The following DNAAF4 variants were observed in gnomAD, a reference collection of about 807,000 sequenced individuals.
DNAAF4 encodes the protein dynein assembly factor 4, axonemal.
In DNAAF4, 43 loss-of-function variants were observed where a neutral mutation model predicts 51.8. The observed-to-expected ratio is 0.83, with a 90% CI of 0.65 to 1.07. The LOEUF (loss-of-function observed/expected upper bound fraction) is 1.07. DNAAF4 is among the 50% of genes least tolerant of loss of function. DNAAF4 has a pLI of 0.00. For missense variants in DNAAF4, 581 were observed against 493.0 expected, an observed-to-expected ratio of 1.18 and a Z score of -1.69; for synonymous variants, 194 against 165.6, an observed-to-expected ratio of 1.17 and a Z score of -1.32.
Position 55,491,248 on chromosome 15 carries a change from C to G in DNAAF4, c.280G>C (p.Glu94Gln). Residue 94 changes from glutamate (E) to glutamine (Q), a missense_variant, in exon 4 of 10, where the codon GAG (glutamate) becomes CAG (glutamine). By Grantham distance (29) the Glu-to-Gln change is conservative (BLOSUM62 2). Transcript: ENST00000321149. ...TTTTCTCTAATTCTTTGCATCATCT[C>G]TTTGTCAACTAAAATGTACAGAATA... is the stretch of plus-strand genomic sequence containing the variant. ...ETLSVTGVDK[E>Q]MMQRIREKSI... 6.2e-7 allele frequency: 1 copy of G among 1,611,888 alleles called. No homozygotes were observed. The highest frequency in any genetic ancestry group is 8.5e-7 in the Non-Finnish European group (1 of 1,179,280).
chr15:55,442,862 C>G, intron 6 of DNAAF4: 1 of 1,612,518 alleles, frequency 6.2e-7, no homozygotes, highest in Non-Finnish European at 8.5e-7. Context: ...GCACACATAC[C>G]AACAGTAGCA....
At chr15:55,441,673 T>C (rs1489573802) in intron 6 of DNAAF4, among the ~76,000 whole-genome samples, 2 of 152,126 alleles carry the variant, frequency 1.3e-5, no homozygotes, top group Non-Finnish European at 2.9e-5. Context: ...GTTTGGTTTT[T>C]TGTCCTTGCA....
intron 6 of DNAAF4, among the ~76,000 whole-genome samples, chr15:55,444,476 A>G (rs528825972): frequency 7.2e-5 from 11 of 152,264 alleles, no homozygotes; most frequent in African/African-American, 2.6e-4. Context: ...GTCAGGTGGC[A>G]TGATGCCTCC....
At chr15:55,442,491 T>C in intron 6 of DNAAF4, 1 of 711,628 alleles carries the variant, frequency 1.4e-6, no homozygotes, top group Non-Finnish European at 2.5e-6. Context: ...TGAATCCTCC[T>C]TGTATTCAGA....
chr15:55,444,367 T>C (rs1366625832), intron 6 of DNAAF4, among the ~76,000 whole-genome samples: 1 of 152,192 alleles, frequency 6.6e-6, no homozygotes, highest in Non-Finnish European at 1.5e-5. Flanking sequence ...TGTGTGGTAT[T>C]ATTTCTGAGG....
At chr15:55,423,957 G>A (rs1168114543) in intron 7 of DNAAF4, among the ~76,000 whole-genome samples, 1 of 152,142 alleles carries the variant, frequency 6.6e-6, no homozygotes, top group Non-Finnish European at 1.5e-5. Flanking sequence ...GGGCATGGTG[G>A]CGCATGCCTG....
intron 5 of DNAAF4, among the ~76,000 whole-genome samples, chr15:55,456,551 C>A (rs578109086): frequency 6.6e-6 from 1 of 152,206 alleles, no homozygotes; most frequent in Admixed American, 6.6e-5. Flanking sequence ...TGGAGACTCA[C>A]AATGCGAACT....
At chr15:55,488,828 C>T (rs796814121) in intron 4 of DNAAF4, among the ~76,000 whole-genome samples, 7 of 152,152 alleles carry the variant, frequency 4.6e-5, no homozygotes, top group African/African-American at 9.7e-5. Flanking sequence ...GCAGCTCACA[C>T]CTGTAATCCC....
chr15:55,492,751 G>T (rs2141591029), intron 3 of DNAAF4, among the ~76,000 whole-genome samples: 1 of 152,138 alleles, frequency 6.6e-6, no homozygotes, highest in African/African-American at 2.4e-5. Context: ...TGTTGGCCAG[G>T]ATGGTCTTGA....
chr15:55,494,390 T>G (rs1288939497), intron 3 of DNAAF4, among the ~76,000 whole-genome samples: 1 of 151,998 alleles, frequency 6.6e-6, no homozygotes, highest in Admixed American at 6.6e-5. Context: ...CAATGTTCAT[T>G]GTGATATAAA....
intron 4 of DNAAF4, among the ~76,000 whole-genome samples, chr15:55,479,144 C>T (rs1461690740): frequency 6.6e-6 from 1 of 150,430 alleles, no homozygotes; most frequent in African/African-American, 2.4e-5. Flanking sequence ...CCTTTTAGTC[C>T]CCCAGTACAA....
At chr15:55,461,057 G>A (rs1364792881) in intron 5 of DNAAF4, among the ~76,000 whole-genome samples, 5 of 151,144 alleles carry the variant, frequency 3.3e-5, no homozygotes, top group South Asian at 2.1e-4. Context: ...GAGCCACTGC[G>A]CCCAGCCATC....
intron 5 of DNAAF4, among the ~76,000 whole-genome samples, chr15:55,463,758 G>GA (rs747595046): frequency 6.6e-6 from 1 of 152,092 alleles, no homozygotes; most frequent in Non-Finnish European, 1.5e-5. Flanking sequence ...CTAAAGAGGT[G>GA]AAAGATCTCA....
chr15:55,457,951 G>A (rs1369097513), intron 5 of DNAAF4, among the ~76,000 whole-genome samples: 1 of 152,156 alleles, frequency 6.6e-6, no homozygotes, highest in Non-Finnish European at 1.5e-5. Context: ...AATCACTGCA[G>A]TCTGGCTCTC....
chr15:55,427,470 G>A (rs2057441917), downstream of DNAAF4, among the ~76,000 whole-genome samples: 3 of 152,134 alleles, frequency 2.0e-5, no homozygotes, highest in South Asian at 6.2e-4. Flanking sequence ...CTGTTTTCTT[G>A]TGCTAAGTTA....
At chr15:55,470,944 C>G (rs973580466) in intron 4 of DNAAF4, among the ~76,000 whole-genome samples, 2 of 146,630 alleles carry the variant, frequency 1.4e-5, no homozygotes, top group African/African-American at 5.0e-5. Flanking sequence ...GCTTCCACTT[C>G]CTAGGCTCAT....
At chr15:55,497,548 C>CGA (rs993164479) in intron 3 of DNAAF4, among the ~76,000 whole-genome samples, 164 bp downstream of exon 3, 2 of 151,810 alleles carry the variant, frequency 1.3e-5, no homozygotes, top group Admixed American at 6.6e-5. Flanking sequence ...TGCAGTAAGC[C>CGA]GAGATCATGT....
At chr15:55,483,412 G>A (rs369847075) in intron 4 of DNAAF4, among the ~76,000 whole-genome samples, 3 of 151,292 alleles carry the variant, frequency 2.0e-5, no homozygotes, top group East Asian at 3.9e-4. Context: ...CTCTTTTTAT[G>A]GTTATGAAAT....
intron 4 of DNAAF4, among the ~76,000 whole-genome samples, chr15:55,478,945 A>G (rs1314751232): frequency 1.3e-5 from 2 of 152,080 alleles, no homozygotes; most frequent in Admixed American, 6.6e-5. Flanking sequence ...TTAACCTCTT[A>G]TCTGATCATG....
Sources: allele counts gnomAD v4.1 joint callset (sites outside exome capture counted in the v4.1 genomes callset), GRCh38; gene constraint gnomAD v4.1.1; transcripts MANE v1.5; gene names NCBI Gene and HGNC (gene_info 2026-07-23, HGNC 2026-07-21).